The following CNTLN variants were observed in gnomAD, a reference collection of about 807,000 sequenced individuals.
CNTLN encodes the protein centlein, also known as centlein, centrosomal protein.
In CNTLN, 212 loss-of-function variants were observed where a neutral mutation model predicts 180.0. That is an observed-to-expected ratio of 1.18 (90% CI 1.05 to 1.32). The LOEUF is 1.32. Among genes scored for constraint, CNTLN ranks in the 40% most tolerant of loss-of-function variants. The probability of loss-of-function intolerance (pLI) is 0.00; values close to 1 mark genes in which losing one functional copy is unlikely to be tolerated. For synonymous variants in CNTLN, 722 were observed against 563.1 expected, an observed-to-expected ratio of 1.28 and a Z score of -3.99; for missense variants, 2,095 against 1,610.9, an observed-to-expected ratio of 1.30 and a Z score of -5.14.
intron 6 of CNTLN, among the ~76,000 whole-genome samples, chr9:17,276,788 T>C (rs1315535786): frequency 1.3e-5 from 2 of 152,102 alleles, no homozygotes; most frequent in Non-Finnish European, 2.9e-5. Flanking sequence ...CTTATATTAA[T>C]AGTATCAAAT....
chr9:17,446,144 C>G (rs112287590), intron 18 of CNTLN, among the ~76,000 whole-genome samples: 21 of 152,294 alleles, frequency 1.4e-4, no homozygotes, highest in African/African-American at 4.6e-4. Context: ...GAAACACCCA[C>G]GAATGATGAA....
At chr9:17,511,183 T>G in the CNTLN span, among the ~76,000 whole-genome samples, 2 of 152,162 alleles carry the variant, frequency 1.3e-5, no homozygotes, top group African/African-American at 4.8e-5. Context: ...TATGTGGTCT[T>G]TTTAGAAAGC....
intron 2 of CNTLN, among the ~76,000 whole-genome samples, chr9:17,219,352 A>T (rs1823980701): frequency 6.6e-6 from 1 of 151,890 alleles, no homozygotes; most frequent in African/African-American, 2.4e-5. Context: ...AACAATATTT[A>T]AAAATTTTAT....
chr9:17,291,263 C>G (rs1480553092), intron 6 of CNTLN, among the ~76,000 whole-genome samples: 1 of 152,006 alleles, frequency 6.6e-6, no homozygotes, highest in East Asian at 1.9e-4. Context: ...TATGTGTCGC[C>G]AAGAAGAATA....
At chr9:17,355,784 G>A (rs4961541) in intron 12 of CNTLN, among the ~76,000 whole-genome samples, 90,935 of 152,014 alleles carry the variant, frequency 0.6, 27,456 homozygotes, top group East Asian at 0.73. Flanking sequence ...ATCAGTCCAG[G>A]CTGGGCGCAG....
Position 17,409,311 on chromosome 9 carries a change from G to A in CNTLN, c.2634G>A (p.Gln878=). 6.2e-7 allele frequency: 1 copy of A among 1,612,410 alleles called. No individual in the cohort carries two copies. The highest frequency in any genetic ancestry group is 8.5e-7 in the Non-Finnish European group (1 of 1,179,444). The change falls in exon 16 of 26, where the codon CAG becomes CAA. Residue 878 remains glutamine (Q), a synonymous_variant. Coordinates refer to ENST00000380647, the MANE Select transcript of CNTLN (RefSeq NM_017738.4). ...VSESSSDSEA[Q]TSQTLGTIIV... is the part of the protein sequence containing the mutation. ...TAAAAAGCAGTGATTCTGAAGCACA[G>A]ACCTCTCAAACTTTGGGAACAATTA...
At chr9:17,371,446 AC>A (rs1824309603) in intron 13 of CNTLN, among the ~76,000 whole-genome samples, 1 of 152,190 alleles carries the variant, frequency 6.6e-6, no homozygotes, top group Non-Finnish European at 1.5e-5. Context: ...TTCACCCAAC[AC>A]GCTAGTACCC....
chr9:17,241,700 A>ATT (rs61399132), intron 5 of CNTLN, among the ~76,000 whole-genome samples: 3,235 of 150,674 alleles, frequency 0.021, 108 homozygotes, highest in African/African-American at 0.073. Context: ...ATTTCTTTCC[A>ATT]TTTTTTTTTG....
chr9:17,190,681 CTT>C (rs1350723178), intron 2 of CNTLN, among the ~76,000 whole-genome samples: 1 of 152,082 alleles, frequency 6.6e-6, no homozygotes, highest in Non-Finnish European at 1.5e-5. Context: ...AGGTATGTGA[CTT>C]ATTTCTCATT....
At chr9:17,492,058 C>G (rs1233135311) in intron 25 of CNTLN, among the ~76,000 whole-genome samples, 1 of 152,070 alleles carries the variant, frequency 6.6e-6, no homozygotes, top group Non-Finnish European at 1.5e-5. Flanking sequence ...CCTACACACT[C>G]AGTAACCCAT....
chr9:17,325,601 T>A (rs1339926271), intron 8 of CNTLN, among the ~76,000 whole-genome samples: 1 of 151,632 alleles, frequency 6.6e-6, no homozygotes, highest in Non-Finnish European at 1.5e-5. Flanking sequence ...GACCCGTACT[T>A]GATTTTCAGT....
chr9:17,494,833 A>T (rs1322459389), intron 25 of CNTLN: 2 of 393,042 alleles, frequency 5.1e-6, no homozygotes, highest in Non-Finnish European at 9.8e-6. Flanking sequence ...CTCAATAATG[A>T]TAATAAATGT....
At chr9:17,376,763 T>A (rs1173181606) in intron 13 of CNTLN, among the ~76,000 whole-genome samples, 1 of 152,256 alleles carries the variant, frequency 6.6e-6, no homozygotes, top group East Asian at 1.9e-4. Flanking sequence ...AACCATCTCT[T>A]AATGGCCAGA....
At chr9:17,414,272 T>C (rs1564085270) in intron 16 of CNTLN, among the ~76,000 whole-genome samples, 1 of 152,212 alleles carries the variant, frequency 6.6e-6, no homozygotes, top group African/African-American at 2.4e-5. Context: ...TTCCCTTGTA[T>C]TTTTTGCCAT....
intron 7 of CNTLN, chr9:17,298,809 T>A: frequency 1.0e-6 from 1 of 986,138 alleles, no homozygotes; most frequent in Non-Finnish European, 1.2e-6. Flanking sequence ...TTTCCAGGAT[T>A]TTTCTCTGTT....
chr9:17,413,212 CA>C (rs34931239), intron 16 of CNTLN, among the ~76,000 whole-genome samples: 65,025 of 151,732 alleles, frequency 0.43, 16,160 homozygotes, highest in Non-Finnish European at 0.56. Flanking sequence ...TATTTCTACG[CA>C]AAAAATATAG....
chr9:17,512,837 G>A, the CNTLN span, among the ~76,000 whole-genome samples: 1 of 152,114 alleles, frequency 6.6e-6, no homozygotes, highest in East Asian at 1.9e-4. Context: ...TTTTGTTTGA[G>A]ATGGAGTCTT....
At chr9:17,227,654 A>G (rs1824554287) in intron 3 of CNTLN, among the ~76,000 whole-genome samples, 1 of 152,002 alleles carries the variant, frequency 6.6e-6, no homozygotes, top group Admixed American at 6.6e-5. Context: ...AAGTTGTTTT[A>G]TGAAAAGACT....
At chr9:17,327,887 A>G (rs1820407836) in intron 8 of CNTLN, among the ~76,000 whole-genome samples, 1 of 152,090 alleles carries the variant, frequency 6.6e-6, no homozygotes, top group African/African-American at 2.4e-5. Context: ...CAGGAGGCAG[A>G]GGTTGCAGTG....
Sources: gnomAD v4.1 joint callset for allele counts (sites outside exome capture counted in the v4.1 genomes callset) on GRCh38, gnomAD v4.1.1 for gene constraint, MANE v1.5 for transcripts, NCBI Gene and HGNC (gene_info 2026-07-23, HGNC 2026-07-21) for gene names.